Variants in ANKUB1 observed in about 807,000 individuals in gnomAD.
The protein encoded by ANKUB1 is protein ANKUB1.
In ANKUB1, 42 loss-of-function variants were observed where a neutral mutation model predicts 49.3. The ratio of observed to expected loss-of-function variants is 0.85; its 90% confidence interval spans 0.67 to 1.10. The LOEUF is 1.10. ANKUB1 is among the 50% of genes least tolerant of loss of function. ANKUB1 has a pLI of 0.00. For synonymous variants in ANKUB1, 222 were observed against 231.0 expected, an observed-to-expected ratio of 0.96 and a Z score of 0.35; for missense variants, 613 against 642.0, an observed-to-expected ratio of 0.95 and a Z score of 0.49.
intron 5 of ANKUB1, chr3:149,766,624 T>C: frequency 4.3e-6 from 2 of 468,748 alleles, no homozygotes; most frequent in East Asian, 6.6e-5. Context: ...ACATGGTGAG[T>C]CCTCATCTCT....
At chr3:149,781,545 G>T (rs558304390) in intron 2 of ANKUB1, among the ~76,000 whole-genome samples, 1 of 152,274 alleles carries the variant, frequency 6.6e-6, no homozygotes, top group African/African-American at 2.4e-5. Context: ...TGGCCTTCAG[G>T]TTCTTCAGGG....
chr3:149,761,530 C>T lies in ANKUB1; in HGVS notation c.1589G>A (p.Arg530Gln), dbSNP rs116503546. 1.1e-3 allele frequency: 1,694 copies of T among 1,551,406 alleles called. 14 individuals carry two copies. In the African/African-American group the frequency reaches 0.02, roughly 18 times the overall value. Residue 530 changes from arginine to glutamine, a missense_variant, in exon 6 of 6, where the codon CGA (arginine) becomes CAA (glutamine). Physicochemically the swap from Arg to Gln is conservative, Grantham distance 43 (BLOSUM62 1). Transcript: ENST00000446160. ...AKKSISNLTT[R>Q]GGLTACENSL... Reference sequence around the variant, plus strand: ...GTTTTCACACGCTGTCAGACCTCCTCGGGTAGTCAAGTTAGAAATGCTCTT... The same window carrying T: ...GTTTTCACACGCTGTCAGACCTCCTTGGGTAGTCAAGTTAGAAATGCTCTT...
In ANKUB1 at chr3:149,767,506, T is replaced by C. The variant is rs7610425; in HGVS notation, c.1156A>G (p.Ser386Gly). 577,282 of 1,551,472 alleles carry C rather than the reference T, an allele frequency of 0.37. 110,491 individuals are homozygous for C. The highest frequency in any genetic ancestry group is 0.47 in the Middle Eastern group (2,800 of 5,992). Reference sequence around the variant, plus strand: ...GCCAAAGGATTGACAGGTTTGCTGCTTGCAGTTTGTTTGCTGAGAGATGGT... The same window carrying C: ...GCCAAAGGATTGACAGGTTTGCTGCCTGCAGTTTGTTTGCTGAGAGATGGT... ...KLPSLSKQTA[S>G]SKPVNPLAIS... is the part of the protein sequence containing the mutation. Residue 386 changes from serine to glycine, a missense_variant, in exon 5 of 6, where the codon AGC (serine) becomes GGC (glycine). Physicochemically the swap from Ser to Gly is moderately conservative, Grantham distance 56. Coordinates refer to ENST00000446160, the MANE Select transcript of ANKUB1 (RefSeq NM_001144960.3).
intron 1 of ANKUB1, among the ~76,000 whole-genome samples, chr3:149,791,198 A>G (rs1003673711): frequency 2.0e-5 from 3 of 152,222 alleles, no homozygotes; most frequent in African/African-American, 7.2e-5. Context: ...TTAAAGTAGG[A>G]GTAGTCGCTG....
chr3:149,771,400 C>T (rs1576671972), intron 3 of ANKUB1, among the ~76,000 whole-genome samples: 1 of 152,218 alleles, frequency 6.6e-6, no homozygotes, highest in Admixed American at 6.5e-5. Flanking sequence ...CCACCTTGAC[C>T]TTTCACCTGT....
At position 149,780,318 on chromosome 3, in the gene ANKUB1, C is replaced by T. The variant is rs761761944; in HGVS notation, c.372G>A (p.Val124=). ...TTGGGGTTCGGAGACAGTAGACACT[C>T]ACGGGGAGGCCACATCTCAGAGTTA... is the stretch of plus-strand genomic sequence containing the variant. ...TLVTLRCGLP[V]SVYCLRTPRG... The change falls in exon 3 of 6, where the codon GTG becomes GTA. Residue 124 remains valine, a synonymous_variant. Coordinates refer to ENST00000446160, the MANE Select transcript of ANKUB1 (RefSeq NM_001144960.3). 6.4e-7 allele frequency: 1 copy of T among 1,551,810 alleles called. No homozygotes were observed. Among genetic ancestry groups the T allele is most frequent in the Non-Finnish European group, 8.7e-7 (1 of 1,147,016 alleles).
intron 2 of ANKUB1, among the ~76,000 whole-genome samples, chr3:149,784,325 G>T (rs1046169069): frequency 6.6e-6 from 1 of 152,224 alleles, no homozygotes; most frequent in Non-Finnish European, 1.5e-5. Context: ...CAACCTGCTG[G>T]ATAGTTGCCC....
intron 2 of ANKUB1, among the ~76,000 whole-genome samples, chr3:149,785,921 T>G (rs1026070133): frequency 4.6e-5 from 7 of 152,210 alleles, no homozygotes; most frequent in Admixed American, 1.3e-4. Flanking sequence ...CTCCAGCACC[T>G]GTTGTTTCCT....
chr3:149,789,724 G>T (rs1405643813), intron 2 of ANKUB1, among the ~76,000 whole-genome samples: 1 of 151,552 alleles, frequency 6.6e-6, no homozygotes, highest in African/African-American at 2.4e-5. Context: ...CCCCCTCCTG[G>T]GTTCAAGTGA....
chr3:149,764,592 C>CTCCT (rs1271952337), intron 5 of ANKUB1, among the ~76,000 whole-genome samples: 6 of 97,578 alleles, frequency 6.1e-5, no homozygotes, highest in East Asian at 3.2e-4. Context: ...CCCTCCCTCC[C>CTCCT]TTCCTTCCTC....
chr3:149,782,445 C>T (rs1232035444), intron 2 of ANKUB1, among the ~76,000 whole-genome samples: 1 of 151,920 alleles, frequency 6.6e-6, no homozygotes, highest in Non-Finnish European at 1.5e-5. Context: ...AGAAGCTTCT[C>T]AGAATATGAA....
At chr3:149,779,826 C>A (rs981252339) in intron 3 of ANKUB1, 1 of 178,754 alleles carries the variant, frequency 5.6e-6, no homozygotes, top group Admixed American at 5.4e-5. Context: ...GGCTATGAGA[C>A]CCTCCTTATT....
intron 2 of ANKUB1, among the ~76,000 whole-genome samples, chr3:149,781,702 C>T (rs1211605172): frequency 6.6e-6 from 1 of 152,128 alleles, no homozygotes; most frequent in Non-Finnish European, 1.5e-5. Context: ...TAACACATTG[C>T]AGTAATATGG....
intron 1 of ANKUB1, 82 bp from the exon 2 acceptor site, chr3:149,791,006 T>G (rs1405681687): frequency 1.3e-5 from 18 of 1,366,602 alleles, no homozygotes; most frequent in Non-Finnish European, 1.7e-5. Flanking sequence ...CCTTTACATT[T>G]TTTTCCTCTG....
chr3:149,782,928 A>G (rs1576680319), intron 2 of ANKUB1, among the ~76,000 whole-genome samples: 1 of 142,356 alleles, frequency 7.0e-6, no homozygotes, highest in East Asian at 2.1e-4. Context: ...GTCTCAAGAA[A>G]ATTAACACCT....
chr3:149,772,980 C>G (rs1477781095), intron 3 of ANKUB1, among the ~76,000 whole-genome samples: 3 of 152,188 alleles, frequency 2.0e-5, no homozygotes, highest in Non-Finnish European at 4.4e-5. Flanking sequence ...AAGACCAGCC[C>G]ACTCAGCAGC....
At chr3:149,787,222 A>T (rs970005657) in intron 2 of ANKUB1, among the ~76,000 whole-genome samples, 1 of 152,120 alleles carries the variant, frequency 6.6e-6, no homozygotes, top group Admixed American at 6.6e-5. Flanking sequence ...ATGTTCTTCC[A>T]TTTGTTTGTG....
intron 5 of ANKUB1, 29 bp from the exon 6 acceptor site, chr3:149,761,642 G>A (rs1199431248): frequency 1.9e-6 from 3 of 1,548,324 alleles, no homozygotes; most frequent in Admixed American, 2.0e-5. Context: ...TAATTTGTAA[G>A]GAGGTCTGAT....
chr3:149,766,778 A>G (rs894109927), intron 5 of ANKUB1: 14 of 1,047,764 alleles, frequency 1.3e-5, no homozygotes, highest in Admixed American at 2.0e-5. Context: ...AGCCTGAGCA[A>G]CAGAACGAGA....
Sources: gnomAD v4.1 joint callset for allele counts (sites outside exome capture counted in the v4.1 genomes callset) on GRCh38, gnomAD v4.1.1 for gene constraint, MANE v1.5 for transcripts, NCBI Gene and HGNC (gene_info 2026-07-23, HGNC 2026-07-21) for gene names.